Variants in AGBL1 observed in about 807,000 individuals in gnomAD.
AGBL1 encodes the protein cytosolic carboxypeptidase 4.
Under a neutral mutation model 118.9 loss-of-function variants are expected in AGBL1, and 130 were observed. That is an observed-to-expected ratio of 1.09 (90% CI 0.95 to 1.26). The LOEUF (loss-of-function observed/expected upper bound fraction) is 1.26. Among genes scored for constraint, AGBL1 ranks in the 50% most tolerant of loss-of-function variants. The probability of loss-of-function intolerance (pLI) is 0.00; values close to 1 mark genes in which losing one functional copy is unlikely to be tolerated. For missense variants in AGBL1, 1,584 were observed against 1,298.1 expected, an observed-to-expected ratio of 1.22 and a Z score of -3.38; for synonymous variants, 555 against 478.9, an observed-to-expected ratio of 1.16 and a Z score of -2.08.
intron 19 of AGBL1, among the ~76,000 whole-genome samples, chr15:86,539,754 T>A (rs2083469643): frequency 1.3e-5 from 2 of 152,200 alleles, no homozygotes. Flanking sequence ...CCCTTGAGAA[T>A]CCCAGAAGCA....
intron 19 of AGBL1, among the ~76,000 whole-genome samples, chr15:86,542,931 G>T (rs57372780): frequency 0.084 from 12,751 of 152,150 alleles, 789 homozygotes; most frequent in East Asian, 0.22. Flanking sequence ...TGAACTTCGT[G>T]TAGGCAGAAT....
rs181802208 is a variant in AGBL1, at chr15:86,556,426, A to G, written c.2994+1889A>G. The stretch of plus-strand genomic sequence containing the variant: ...TTTTGGTTTAAGAATCCCATTCTCT[A>G]TATGAAAAACACTTCTCCGAATGTA... On this transcript the variant is annotated intron_variant, in intron 21 of 22. Transcript: ENST00000614907. The G allele has an allele frequency of 2.5e-4, 170 of 671,404 alleles. No individual in the cohort carries two copies. The African/African-American group carries it at 2.8e-3, about 11-fold the overall frequency. 41.6% of individuals were successfully genotyped at this position (671,404 alleles called of 1,614,324 possible).
chr15:86,180,712 A>C (rs2077540407), intron 5 of AGBL1, among the ~76,000 whole-genome samples: 1 of 152,124 alleles, frequency 6.6e-6, no homozygotes, highest in African/African-American at 2.4e-5. Context: ...CTCAAAAGGC[A>C]TTATTAAAAG....
intron 9 of AGBL1, among the ~76,000 whole-genome samples, chr15:86,262,207 C>G (rs1382513269): frequency 6.6e-6 from 1 of 150,716 alleles, no homozygotes; most frequent in Non-Finnish European, 1.5e-5. Flanking sequence ...TTTATCATTT[C>G]AAGAGGAGTT....
At chr15:86,258,686 C>T (rs1261379552) in intron 9 of AGBL1, among the ~76,000 whole-genome samples, 5 of 152,130 alleles carry the variant, frequency 3.3e-5, no homozygotes, top group Admixed American at 3.3e-4. Context: ...AATTTGTAAA[C>T]AAATGGGCAT....
intron 24 of AGBL1, among the ~76,000 whole-genome samples, chr15:87,000,598 G>A (rs1412004399): frequency 1.1e-5 from 1 of 88,978 alleles, no homozygotes; most frequent in Non-Finnish European, 2.4e-5. Flanking sequence ...TCTCTGTTTT[G>A]GTACCAGTAC....
chr15:86,232,887 T>C (rs768361544), intron 6 of AGBL1, among the ~76,000 whole-genome samples: 21 of 152,064 alleles, frequency 1.4e-4, no homozygotes, highest in Non-Finnish European at 2.8e-4. Flanking sequence ...CTCAGCGAAG[T>C]GGGAAGGAGG....
At chr15:86,601,208 A>G (rs565831177) in intron 21 of AGBL1, among the ~76,000 whole-genome samples, 115 of 152,298 alleles carry the variant, frequency 7.6e-4, no homozygotes, top group African/African-American at 2.7e-3. Context: ...TTGTCAAAAG[A>G]AAGTTACATA....
chr15:86,794,645 A>T (rs896299901), intron 22 of AGBL1, among the ~76,000 whole-genome samples: 2 of 152,178 alleles, frequency 1.3e-5, no homozygotes, highest in Non-Finnish European at 2.9e-5. Flanking sequence ...AAACAAAAAA[A>T]AAACATGCAG....
At chr15:86,668,518 G>GT (rs576620092) in intron 21 of AGBL1, among the ~76,000 whole-genome samples, 34 of 152,086 alleles carry the variant, frequency 2.2e-4, no homozygotes, top group African/African-American at 6.0e-4. Context: ...ACAAAAAGAC[G>GT]TTTTTTTGGT....
At chr15:86,195,603 T>A (rs1466634940) in intron 5 of AGBL1, among the ~76,000 whole-genome samples, 1 of 152,184 alleles carries the variant, frequency 6.6e-6, no homozygotes. Context: ...GATTCCCATG[T>A]CTTTAGATTA....
chr15:86,829,687 C>T (rs187379196), intron 22 of AGBL1, among the ~76,000 whole-genome samples: 16 of 152,190 alleles, frequency 1.1e-4, no homozygotes, highest in Admixed American at 3.9e-4. Context: ...AGAAATTAAA[C>T]CTGAAGATCA....
intron 1 of AGBL1, chr15:86,083,580 C>T (rs1449065478): frequency 6.6e-6 from 1 of 151,970 alleles, no homozygotes; most frequent in Non-Finnish European, 1.5e-5. Flanking sequence ...ATGAATGAGG[C>T]TGCAGGATGT....
At chr15:86,089,912 C>A (rs1597378890) in intron 1 of AGBL1, among the ~76,000 whole-genome samples, 1 of 152,112 alleles carries the variant, frequency 6.6e-6, no homozygotes, top group Non-Finnish European at 1.5e-5. Context: ...CCCCAAATGA[C>A]AACTAAATTT....
At chr15:86,399,379 C>G (rs1346694360) in intron 18 of AGBL1, among the ~76,000 whole-genome samples, 1 of 152,100 alleles carries the variant, frequency 6.6e-6, no homozygotes, top group African/African-American at 2.4e-5. Context: ...GGGACATGAT[C>G]CCATTTTGAC....
At chr15:86,700,615 A>G (rs2086341558) in intron 22 of AGBL1, among the ~76,000 whole-genome samples, 2 of 152,062 alleles carry the variant, frequency 1.3e-5, no homozygotes, top group South Asian at 4.1e-4. Context: ...TTCAAGATAT[A>G]ATCAAAACTT....
intron 24 of AGBL1, among the ~76,000 whole-genome samples, chr15:87,012,675 C>T (rs1202151964): frequency 1.3e-5 from 2 of 151,960 alleles, no homozygotes; most frequent in Non-Finnish European, 2.9e-5. Context: ...TTAAATCTCA[C>T]CCTAAATATG....
rs139544259 is a variant in AGBL1 at position 86,880,295 on chromosome 15, A to T, written c.3159-26792A>T. On this transcript the variant is annotated intron_variant, in intron 22 of 22. Transcript: ENST00000614907. Reference sequence around the variant, plus strand: ...TCATTTAGAGGACTCATAGCCTCAGAGTTGCAGACCCTTCACTGGGAGCTG... The same window carrying T: ...TCATTTAGAGGACTCATAGCCTCAGTGTTGCAGACCCTTCACTGGGAGCTG... Among the ~76,000 whole-genome samples the T allele has an allele frequency of 2.9e-3, 437 of 152,304 alleles. 4 individuals are homozygous for T. The highest frequency in any genetic ancestry group is 9.9e-3 in the African/African-American group (412 of 41,564).
rs530267161 is a variant in AGBL1 at position 86,448,536 on chromosome 15, T to C, written c.2555+50990T>C. Among the ~76,000 whole-genome samples, 5 of 152,292 alleles carry C rather than the reference T, an allele frequency of 3.3e-5. No individual in the cohort carries two copies. In the East Asian group the frequency reaches 9.7e-4, roughly 29 times the overall value. ...GTCAGTTAAGGAACAACACTTCGGA[T>C]TTTTAGCAGTGGAGAGATGCACCTG... On this transcript the variant is annotated intron_variant, in intron 18 of 22. Transcript: ENST00000614907.
Sources: gnomAD v4.1 joint callset for allele counts (sites outside exome capture counted in the v4.1 genomes callset) on GRCh38, gnomAD v4.1.1 for gene constraint, MANE v1.5 for transcripts, NCBI Gene and HGNC (gene_info 2026-07-23, HGNC 2026-07-21) for gene names.